The following TRIO variants were observed in gnomAD, a reference collection of about 807,000 sequenced individuals.
TRIO encodes the protein trio Rho guanine nucleotide exchange factor, also known as triple functional domain protein.
Under a neutral mutation model 351.9 loss-of-function variants are expected in TRIO, and 58 were observed. The ratio of observed to expected loss-of-function variants is 0.16; its 90% CI spans 0.13 to 0.21. The LOEUF is 0.21. TRIO is among the 10% of genes least tolerant of loss of function. TRIO has a pLI of 1.00. For missense variants in TRIO, 3,201 were observed against 4,027.8 expected (o/e 0.79, Z 5.56); for synonymous variants, 1,758 against 1,595.7 (o/e 1.10, Z -2.42).
intron 9 of TRIO, among the ~76,000 whole-genome samples, chr5:14,323,779 C>T (rs1343480215): frequency 6.6e-6 from 1 of 152,238 alleles, no homozygotes; most frequent in African/African-American, 2.4e-5. Context: ...TAGACTAACA[C>T]AGGATGAGTA....
At chr5:14,150,379 T>A (rs899136085) in intron 1 of TRIO, among the ~76,000 whole-genome samples, 1 of 152,056 alleles carries the variant, frequency 6.6e-6, no homozygotes, top group Non-Finnish European at 1.5e-5. Context: ...ATTCTGGTTG[T>A]GGCAGTTACA....
At chr5:14,181,674 T>C (rs1789777312) in intron 1 of TRIO, among the ~76,000 whole-genome samples, 1 of 152,230 alleles carries the variant, frequency 6.6e-6, no homozygotes, top group Non-Finnish European at 1.5e-5. Flanking sequence ...TTCAGTGTCC[T>C]GAAAACGCTG....
chr5:14,310,053 C>T (rs1042902331), intron 8 of TRIO, among the ~76,000 whole-genome samples: 1 of 152,224 alleles, frequency 6.6e-6, no homozygotes, highest in Non-Finnish European at 1.5e-5. Context: ...AACAGGAACG[C>T]ACCTGGGCCT....
At chr5:14,487,160 G>A (rs1755975217) in intron 47 of TRIO, among the ~76,000 whole-genome samples, 1 of 152,128 alleles carries the variant, frequency 6.6e-6, no homozygotes, top group African/African-American at 2.4e-5. Context: ...AGACCTTTGC[G>A]GAAGCCAGTT....
At chr5:14,483,834 C>T (rs1256320447) in intron 46 of TRIO, among the ~76,000 whole-genome samples, 1 of 152,220 alleles carries the variant, frequency 6.6e-6, no homozygotes, top group African/African-American at 2.4e-5. Flanking sequence ...TCTGGGCTCA[C>T]CACTACACTT....
intron 1 of TRIO, among the ~76,000 whole-genome samples, chr5:14,167,785 A>G (rs1788858988): frequency 6.6e-6 from 1 of 152,198 alleles, no homozygotes; most frequent in Non-Finnish European, 1.5e-5. Context: ...TGGATGCACC[A>G]TGAAGGGCTG....
intron 1 of TRIO, among the ~76,000 whole-genome samples, chr5:14,175,604 A>T (rs79340725): frequency 5.9e-4 from 90 of 152,342 alleles, no homozygotes; most frequent in African/African-American, 2.1e-3. Flanking sequence ...TGTGTTTCTC[A>T]ATGTTAGAAA....
At chr5:14,493,186 A>G (rs530470720) in intron 49 of TRIO, among the ~76,000 whole-genome samples, 3 of 151,944 alleles carry the variant, frequency 2.0e-5, no homozygotes, top group South Asian at 2.1e-4. Flanking sequence ...CTTAGGCCGC[A>G]TATTAGTCAG....
chr5:14,497,988 T>G lies in TRIO; in HGVS notation c.8048-101T>G. On this transcript the variant is annotated intron_variant, in intron 51 of 56. Coordinates refer to ENST00000344204, the MANE Select transcript of TRIO (RefSeq NM_007118.4). This position sits in a 1 kb window ranked among gnomAD's most constrained non-coding sequence, Gnocchi z 4.4. ...TGAGTTTTCCGTGGCGCTCTAGGCG[T>G]GCATAGCAGGTTAGGTCCTATCAAT... is the stretch of plus-strand genomic sequence containing the variant. 1 of 1,610,224 alleles carries G rather than the reference T, an allele frequency of 6.2e-7. No homozygotes were observed. Among genetic ancestry groups the G allele is most frequent in the African/African-American group, 1.3e-5 (1 of 74,884 alleles).
At chr5:14,460,552 G>A (rs1753703263) in intron 34 of TRIO, among the ~76,000 whole-genome samples, 1 of 152,162 alleles carries the variant, frequency 6.6e-6, no homozygotes, top group Non-Finnish European at 1.5e-5. Context: ...TCTGCGACAG[G>A]ATTAGCTTAC....
intron 41 of TRIO, among the ~76,000 whole-genome samples, chr5:14,477,546 A>G (rs1318902810): frequency 6.6e-6 from 1 of 152,248 alleles, no homozygotes; most frequent in African/African-American, 2.4e-5. Flanking sequence ...TAGTTAGAAA[A>G]GGATGAGTAT....
intron 34 of TRIO, among the ~76,000 whole-genome samples, chr5:14,444,182 AG>A (rs749263421): frequency 1.3e-5 from 2 of 152,120 alleles, no homozygotes; most frequent in Non-Finnish European, 2.9e-5. Context: ...GACTAAATAT[AG>A]GATAAAGAAA....
chr5:14,460,890 C>T, intron 34 of TRIO, 129 bp from the exon 35 acceptor site: 6 of 1,121,072 alleles, frequency 5.4e-6, no homozygotes, highest in South Asian at 1.8e-5. Flanking sequence ...TCTCACACCC[C>T]GTAGGCAAAG....
chr5:14,442,633 C>A (rs572774680), intron 34 of TRIO, among the ~76,000 whole-genome samples: 16 of 152,304 alleles, frequency 1.1e-4, no homozygotes, highest in African/African-American at 2.6e-4. Context: ...TTTTACCACT[C>A]GAAGATGGTG....
chr5:14,210,884 C>G (rs1353496211), intron 1 of TRIO, among the ~76,000 whole-genome samples: 1 of 152,046 alleles, frequency 6.6e-6, no homozygotes, highest in Admixed American at 6.6e-5. Flanking sequence ...TCTTGTCCTA[C>G]CCTCCACTCC....
chr5:14,296,788 C>T (rs536760902), intron 6 of TRIO, among the ~76,000 whole-genome samples: 12 of 152,324 alleles, frequency 7.9e-5, no homozygotes, highest in African/African-American at 2.6e-4. Flanking sequence ...TATTTGTGTG[C>T]ACCCACTTGT....
At chr5:14,390,849 A>T in intron 26 of TRIO, 52 bp from the exon 27 acceptor site, 1 of 1,469,514 alleles carries the variant, frequency 6.8e-7, no homozygotes, top group South Asian at 1.3e-5. Flanking sequence ...AAAGTTTATC[A>T]TGCGTTGACT....
chr5:14,480,098 G>A (rs1171278163), intron 43 of TRIO, 87 bp downstream of exon 43: 2 of 1,245,464 alleles, frequency 1.6e-6, no homozygotes, highest in South Asian at 1.3e-5. Flanking sequence ...GATTTGGTAG[G>A]ACAGGGGAAT....
chr5:14,255,435 T>C (rs553224763), intron 1 of TRIO, among the ~76,000 whole-genome samples: 1 of 152,308 alleles, frequency 6.6e-6, no homozygotes, highest in Non-Finnish European at 1.5e-5. Context: ...AGTCATCAAA[T>C]GGAACACTAT....
Sources: allele counts gnomAD v4.1 joint callset (sites outside exome capture counted in the v4.1 genomes callset), GRCh38; gene constraint gnomAD v4.1.1; non-coding constraint Gnocchi (gnomAD v3.1); transcripts MANE v1.5; gene names NCBI Gene and HGNC (gene_info 2026-07-23, HGNC 2026-07-21).